Variants in ITGA11 observed in about 807,000 individuals in gnomAD.
ITGA11 encodes the protein integrin alpha-11.
Under a neutral mutation model 141.9 loss-of-function variants are expected in ITGA11, and 97 were observed. The ratio of observed to expected loss-of-function variants is 0.68; its 90% CI spans 0.58 to 0.81. The LOEUF is 0.81. ITGA11 is among the 30% of genes least tolerant of loss of function. The pLI is 0.00. For missense variants in ITGA11, 1,387 were observed against 1,559.2 expected (o/e 0.89, Z 1.86); for synonymous variants, 658 against 624.6 (o/e 1.05, Z -0.80).
chr15:68,404,802 C>T (rs1896602141), intron 1 of ITGA11, among the ~76,000 whole-genome samples: 1 of 152,290 alleles, frequency 6.6e-6, no homozygotes, highest in South Asian at 2.1e-4. Context: ...TTGCCACGAG[C>T]CAAAACTTTT....
chr15:68,425,006 T>TG (rs1278568071), intron 1 of ITGA11, among the ~76,000 whole-genome samples: 1 of 152,246 alleles, frequency 6.6e-6, no homozygotes, highest in Admixed American at 6.5e-5. Context: ...GTGGGATCTG[T>TG]GGGGTGCCTT....
At chr15:68,415,107 ACTG>A (rs1896858362) in intron 1 of ITGA11, among the ~76,000 whole-genome samples, 1 of 152,132 alleles carries the variant, frequency 6.6e-6, no homozygotes, top group African/African-American at 2.4e-5. Flanking sequence ...CCCTGGGTGG[ACTG>A]CTTGTCTCTC....
At chr15:68,317,437 C>A in intron 20 of ITGA11, 74 bp from the exon 21 acceptor site, 1 of 993,394 alleles carries the variant, frequency 1.0e-6, no homozygotes, top group Non-Finnish European at 1.6e-6. Context: ...TCCCTCACCC[C>A]CAGCCTGCAC....
chr15:68,403,555 G>A (rs1378561473), intron 1 of ITGA11, among the ~76,000 whole-genome samples: 2 of 152,168 alleles, frequency 1.3e-5, no homozygotes, highest in African/African-American at 2.4e-5. Flanking sequence ...ATTAGAAGCA[G>A]ATGCTGGCAC....
intron 2 of ITGA11, among the ~76,000 whole-genome samples, chr15:68,396,471 T>C (rs1190962439): frequency 6.6e-6 from 1 of 152,032 alleles, no homozygotes; most frequent in Admixed American, 6.6e-5. Context: ...GTTAACATCT[T>C]ATTTAATTAT....
intron 3 of ITGA11, chr15:68,365,181 G>A: frequency 3.0e-6 from 3 of 985,362 alleles, no homozygotes; most frequent in Non-Finnish European, 3.6e-6. Flanking sequence ...TCCCCGCTAC[G>A]CTTTCTTCCA....
At chr15:68,342,932 A>T (rs1235630762) in intron 10 of ITGA11, among the ~76,000 whole-genome samples, 3 of 151,862 alleles carry the variant, frequency 2.0e-5, no homozygotes, top group Admixed American at 6.6e-5. Flanking sequence ...GGAGTTCTGG[A>T]GTCAGAGGCT....
In ITGA11 at chr15:68,300,591, C is replaced by G. The variant is rs568599132; in HGVS notation, c.*2468G>C. 2.0e-5 allele frequency: 3 copies of G among 152,326 alleles called. No individual in the cohort carries two copies. The highest frequency in any genetic ancestry group is 3.9e-4 in the East Asian group (2 of 5,190). The allele number at this position is 152,326 out of a possible 1,614,324, so 9.4% of individuals were successfully genotyped here. A position where few individuals can be genotyped will look rare whatever the true frequency, so the allele number is the denominator to read the frequency against. On this transcript the variant is annotated 3_prime_UTR_variant, in exon 30 of 30. Coordinates refer to ENST00000315757, the MANE Select transcript of ITGA11 (RefSeq NM_001004439.2). ...AGGCTCATCTTGGGTATTTATACTT[C>G]AGGGTAAATAGATTCAGAAAGGGAA...
intron 5 of ITGA11, among the ~76,000 whole-genome samples, chr15:68,359,673 T>C (rs530917714): frequency 3.4e-5 from 4 of 119,372 alleles, no homozygotes; most frequent in African/African-American, 1.3e-4. Context: ...AACAAACAAA[T>C]AAAAAAAAAA....
At chr15:68,317,236 C>A in intron 21 of ITGA11, 29 bp downstream of exon 21, 29 of 1,414,036 alleles carry the variant, frequency 2.1e-5, no homozygotes, top group African/African-American at 4.2e-5. Context: ...CCCACCCTGA[C>A]CCTCCCCCAC....
At chr15:68,369,311 G>A (rs760315965) in intron 2 of ITGA11, 27 bp from the exon 3 acceptor site, 1 of 1,508,068 alleles carries the variant, frequency 6.6e-7, no homozygotes, top group East Asian at 2.5e-5. Flanking sequence ...GATGAGCAAA[G>A]ACATTGGGGG....
intron 8 of ITGA11, 108 bp downstream of exon 8, chr15:68,351,150 C>T (rs1894898427): frequency 2.5e-6 from 3 of 1,219,204 alleles, no homozygotes; most frequent in Middle Eastern, 2.8e-4. Context: ...TTTTTGAGGG[C>T]CTGGACACTT....
intron 1 of ITGA11, among the ~76,000 whole-genome samples, chr15:68,404,373 C>A (rs991284758): frequency 6.6e-6 from 1 of 152,170 alleles, no homozygotes; most frequent in African/African-American, 2.4e-5. Flanking sequence ...TTCGCCCTGG[C>A]CCCAAGGGTC....
intron 21 of ITGA11, among the ~76,000 whole-genome samples, chr15:68,315,977 GC>G (rs1397845289): frequency 6.6e-6 from 1 of 152,224 alleles, no homozygotes; most frequent in Non-Finnish European, 1.5e-5. Context: ...GGCTGAGCCA[GC>G]CCCCCTCCCT....
chr15:68,311,141 G>A (rs547310975), intron 25 of ITGA11, 61 bp from the exon 26 acceptor site: 73 of 1,397,262 alleles, frequency 5.2e-5, no homozygotes, highest in Non-Finnish European at 3.8e-5. Flanking sequence ...TCTGGCAGAC[G>A]CAGGATCCCA....
chr15:68,397,583 TAA>T (rs1896341329), intron 2 of ITGA11, among the ~76,000 whole-genome samples: 2 of 39,158 alleles, frequency 5.1e-5, no homozygotes, highest in South Asian at 2.9e-3. Context: ...ATATTATATT[TAA>T]AATATTATAA....
At chr15:68,369,804 G>T (rs117391343) in intron 2 of ITGA11, among the ~76,000 whole-genome samples, 1 of 151,084 alleles carries the variant, frequency 6.6e-6, no homozygotes, top group Non-Finnish European at 1.5e-5. Flanking sequence ...GCCAGTGGGC[G>T]GAAGCTGCCA....
intron 2 of ITGA11, among the ~76,000 whole-genome samples, chr15:68,375,838 G>A (rs1381021728): frequency 6.6e-6 from 1 of 151,786 alleles, no homozygotes; most frequent in Non-Finnish European, 1.5e-5. Context: ...TTTCTGTGAG[G>A]GTGTTTTTTG....
At chr15:68,380,039 C>G (rs549184264) in intron 2 of ITGA11, among the ~76,000 whole-genome samples, 32 of 152,230 alleles carry the variant, frequency 2.1e-4, no homozygotes, top group Admixed American at 1.4e-3. Flanking sequence ...TCCAGCAAAC[C>G]ATGGCCAGGC....
Sources: gnomAD v4.1 joint callset for allele counts (sites outside exome capture counted in the v4.1 genomes callset) on GRCh38, gnomAD v4.1.1 for gene constraint, MANE v1.5 for transcripts, NCBI Gene and HGNC (gene_info 2026-07-23, HGNC 2026-07-21) for gene names.